The following CLASP1 variants were observed in gnomAD, a reference collection of about 807,000 sequenced individuals.
CLASP1 encodes the protein CLIP-associating protein 1.
CLASP1 carries 38 observed loss-of-function variants against 192.3 expected under a neutral mutation model. The ratio of observed to expected loss-of-function variants is 0.20; its 90% CI spans 0.15 to 0.26. CLASP1 has a LOEUF of 0.26. CLASP1 is among the 10% of genes least tolerant of loss of function. CLASP1 has a pLI of 1.00. For missense variants in CLASP1, 1,433 were observed against 1,932.5 expected (o/e 0.74, Z 4.85); for synonymous variants, 691 against 712.8 (o/e 0.97, Z 0.49).
intron 37 of CLASP1, among the ~76,000 whole-genome samples, chr2:121,354,988 T>C (rs1465393343): frequency 1.3e-5 from 2 of 152,112 alleles, no homozygotes; most frequent in Admixed American, 6.5e-5. Flanking sequence ...CTGCACTCTA[T>C]TGCCCTTCAG....
In CLASP1 at chr2:121,450,105, G is replaced by A. The variant is rs529940428; in HGVS notation, c.1523+808C>T. The stretch of plus-strand genomic sequence containing the variant: ...CCAGCACTTTGGGAGGCCGAGGCGG[G>A]TGGATCACGAGGTCAGGAGATCGAG... On this transcript the variant is annotated intron_variant, in intron 16 of 39. Coordinates refer to ENST00000263710, the Ensembl canonical transcript of CLASP1. 4.6e-5 allele frequency among the ~76,000 whole-genome samples: 7 copies of A among 152,274 alleles called. No individual in the cohort carries two copies. The South Asian group carries it at 1.5e-3, about 32-fold the overall frequency.
At chr2:121,473,630 G>A (rs2091143517) in intron 8 of CLASP1, among the ~76,000 whole-genome samples, 1 of 152,104 alleles carries the variant, frequency 6.6e-6, no homozygotes. Context: ...CCAAGAAGCT[G>A]CATGCCCCAA....
intron 19 of CLASP1, among the ~76,000 whole-genome samples, chr2:121,436,273 C>G (rs2082300892): frequency 6.6e-6 from 1 of 152,170 alleles, no homozygotes; most frequent in Non-Finnish European, 1.5e-5. Flanking sequence ...CTCAAGCGAT[C>G]AGCCCACCTC....
chr2:121,432,972 A>G (rs1290190079), intron 19 of CLASP1, among the ~76,000 whole-genome samples: 1 of 152,166 alleles, frequency 6.6e-6, no homozygotes, highest in African/African-American at 2.4e-5. Flanking sequence ...GTTGACTCAA[A>G]CAAGATTTTT....
intron 2 of CLASP1, among the ~76,000 whole-genome samples, chr2:121,570,158 C>T (rs955838727): frequency 1.3e-5 from 2 of 152,220 alleles, no homozygotes; most frequent in Non-Finnish European, 1.5e-5. Flanking sequence ...GCATATCAGT[C>T]TGTTCTCTCC....
exon 25 of CLASP1, chr2:121,407,543 C>T: frequency 6.2e-7 from 1 of 1,614,022 alleles, no homozygotes; most frequent in Non-Finnish European, 8.5e-7. Context: ...CCAGTTTGAA[C>T]TAGCACAGTG....
At chr2:121,387,946 T>G (rs199514079) in intron 30 of CLASP1, 40 bp from the exon 32 acceptor site, 2 of 1,465,890 alleles carry the variant, frequency 1.4e-6, no homozygotes, top group African/African-American at 1.4e-5. Flanking sequence ...TAATGTACAA[T>G]AGGTCATCAA....
At chr2:121,367,684 A>G in exon 35 of CLASP1, 1 of 1,614,016 alleles carries the variant, frequency 6.2e-7, no homozygotes, top group Non-Finnish European at 8.5e-7. Context: ...TACGGGTTGT[A>G]GTCTCGCGCC....
In CLASP1 at chr2:121,352,729, A is replaced by G. The variant is rs572214345; in HGVS notation, c.4207-4011T>C. Among the ~76,000 whole-genome samples, 5 of 152,318 alleles carry G rather than the reference A, an allele frequency of 3.3e-5. No individual in the cohort carries two copies. The South Asian group carries it at 8.3e-4, about 25-fold the overall frequency. On this transcript the variant is annotated intron_variant, in intron 37 of 39. Transcript: ENST00000263710. ...GAGTGCAATAGAGTCATCTGGGCTC[A>G]CTGCAACCTCTGCTTCTGGGTTCAA...
intron 1 of CLASP1, among the ~76,000 whole-genome samples, chr2:121,633,028 A>G (rs6650783): frequency 0.039 from 5,278 of 137,054 alleles, 606 homozygotes; most frequent in African/African-American, 0.14. Flanking sequence ...ATATATATAT[A>G]GGCTTTTTTT....
intron 9 of CLASP1, among the ~76,000 whole-genome samples, chr2:121,464,555 G>A (rs2089039087): frequency 6.6e-6 from 1 of 152,162 alleles, no homozygotes; most frequent in African/African-American, 2.4e-5. Flanking sequence ...GTGTGAGATG[G>A]TATCTCATTG....
In CLASP1 at chr2:121,595,695, T is replaced by C. The variant is rs2063051668; in HGVS notation, c.195+10006A>G. On this transcript the variant is annotated intron_variant, in intron 2 of 39. Transcript: ENST00000263710. ...TACTCAGGGACTTTATTATCAACAC[T>C]GAACAACTGATGGATTCATATCTTA... Among the ~76,000 whole-genome samples the C allele has an allele frequency of 5.3e-5, 8 of 152,186 alleles. 1 individual carries two copies. The highest frequency in any genetic ancestry group is 5.2e-4 in the Admixed American group (8 of 15,274).
chr2:121,478,852 ACAC>A (rs1559368333), intron 8 of CLASP1, among the ~76,000 whole-genome samples: 55 of 98,140 alleles, frequency 5.6e-4, no homozygotes, highest in East Asian at 1.6e-3. Context: ...CACACACCAC[ACAC>A]CACACCACAC....
chr2:121,533,214 C>T (rs531912722), intron 2 of CLASP1, among the ~76,000 whole-genome samples: 1 of 152,278 alleles, frequency 6.6e-6, no homozygotes, highest in Admixed American at 6.5e-5. Flanking sequence ...GTAGATGCAC[C>T]TGAGCCCCAG....
intron 8 of CLASP1, among the ~76,000 whole-genome samples, chr2:121,500,988 G>A (rs1384771678): frequency 6.6e-6 from 1 of 152,184 alleles, no homozygotes; most frequent in Non-Finnish European, 1.5e-5. Context: ...AATGCTGCTT[G>A]TGATATATCC....
exon 30 of CLASP1, chr2:121,397,269 G>A: frequency 6.2e-7 from 1 of 1,613,654 alleles, no homozygotes; most frequent in South Asian, 1.1e-5. Flanking sequence ...TGTATTTCAG[G>A]ATTGCAACTT....
chr2:121,409,721 A>G (rs568470772), intron 24 of CLASP1, among the ~76,000 whole-genome samples: 1 of 152,300 alleles, frequency 6.6e-6, no homozygotes, highest in East Asian at 1.9e-4. Flanking sequence ...TAAGATACAG[A>G]TTCTAAATGC....
At chr2:121,402,840 A>G (rs1254961321) in intron 26 of CLASP1, among the ~76,000 whole-genome samples, 1 of 152,138 alleles carries the variant, frequency 6.6e-6, no homozygotes, top group Non-Finnish European at 1.5e-5. Context: ...CTTTAAGCTC[A>G]GTCTTTCCTG....
At chr2:121,563,284 C>T (rs1055373435) in intron 2 of CLASP1, among the ~76,000 whole-genome samples, 4 of 152,146 alleles carry the variant, frequency 2.6e-5, no homozygotes, top group Non-Finnish European at 4.4e-5. Context: ...AAGAAACGAC[C>T]GCCTGATGAT....
Sources: gnomAD v4.1 joint callset for allele counts (sites outside exome capture counted in the v4.1 genomes callset) on GRCh38, gnomAD v4.1.1 for gene constraint, MANE v1.5 for transcripts, NCBI Gene and HGNC (gene_info 2026-07-23, HGNC 2026-07-21) for gene names.